The following XKR4 variants were observed in gnomAD, a reference collection of about 807,000 sequenced individuals.
XKR4 encodes the protein XK-related protein 4.
In XKR4, 12 loss-of-function variants were observed where a neutral mutation model predicts 53.9. That is an observed-to-expected ratio of 0.22 (90% confidence interval 0.14 to 0.36). The LOEUF is 0.36. Ranked by LOEUF, XKR4 falls within the 10% of genes least tolerant of loss-of-function variation. The pLI is 1.00. For missense variants in XKR4, 799 were observed against 859.5 expected, an observed-to-expected ratio of 0.93 and a Z score of 0.88; for synonymous variants, 354 against 362.4, an observed-to-expected ratio of 0.98 and a Z score of 0.26.
chr8:55,174,771 A>G (rs1817209598), intron 1 of XKR4, among the ~76,000 whole-genome samples: 1 of 152,172 alleles, frequency 6.6e-6, no homozygotes, highest in Admixed American at 6.5e-5. Flanking sequence ...CTTAGAGACA[A>G]TTCAGGGATG....
chr8:55,466,683 C>G (rs557721252), intron 2 of XKR4, among the ~76,000 whole-genome samples: 2 of 152,094 alleles, frequency 1.3e-5, no homozygotes, highest in African/African-American at 2.4e-5. Flanking sequence ...ATCTTACTAT[C>G]CATATAATCA....
At chr8:55,462,469 A>T (rs1805675384) in intron 2 of XKR4, among the ~76,000 whole-genome samples, 1 of 152,242 alleles carries the variant, frequency 6.6e-6, no homozygotes, top group Non-Finnish European at 1.5e-5. Flanking sequence ...GAGCTCCTGA[A>T]GGAAGCATTA....
At chr8:55,143,743 A>C (rs1406377010) in intron 1 of XKR4, among the ~76,000 whole-genome samples, 1 of 152,172 alleles carries the variant, frequency 6.6e-6, no homozygotes, top group Non-Finnish European at 1.5e-5. Flanking sequence ...CCCAAGAATG[A>C]CCCATGTGCT....
intron 1 of XKR4, among the ~76,000 whole-genome samples, chr8:55,103,851 GTATATATATA>G (rs60831330): frequency 0.015 from 1,541 of 105,984 alleles, 29 homozygotes; most frequent in East Asian, 0.023. Context: ...AAATGACTTT[GTATATATATA>G]TATATATATA....
intron 1 of XKR4, among the ~76,000 whole-genome samples, chr8:55,346,353 T>C (rs1014636176): frequency 6.6e-6 from 1 of 152,222 alleles, no homozygotes; most frequent in South Asian, 2.1e-4. Context: ...CCCAAATTGC[T>C]GGGATTAGAG....
rs199856332 is a variant in XKR4, at chr8:55,424,557, GT to G, written c.1006+66681del. Among the ~76,000 whole-genome samples, 414 of 152,314 alleles carry G rather than the reference GT, an allele frequency of 2.7e-3. 2 individuals carry two copies. The highest frequency in any genetic ancestry group is 8.5e-3 in the African/African-American group (353 of 41,566). The stretch of plus-strand genomic sequence containing the variant: ...AAAAGGCACTGCTAAATATCAACCT[GT>G]CAGGCACTAGCAGCCAACAACTGGC... On this transcript the variant is annotated intron_variant, in intron 2 of 2. Coordinates refer to ENST00000327381, the MANE Select transcript of XKR4 (RefSeq NM_052898.2).
At chr8:55,172,566 G>T (rs184389992) in intron 1 of XKR4, among the ~76,000 whole-genome samples, 1 of 152,080 alleles carries the variant, frequency 6.6e-6, no homozygotes. Context: ...AACAAAGACA[G>T]AGTGAAAAGC....
At chr8:55,244,212 T>C (rs1460511384) in intron 1 of XKR4, among the ~76,000 whole-genome samples, 1 of 152,194 alleles carries the variant, frequency 6.6e-6, no homozygotes, top group Non-Finnish European at 1.5e-5. Context: ...ATCCTCTCCC[T>C]CCTCTCACCC....
Position 55,462,707 on chromosome 8 carries a change from G to C in XKR4, c.1007-60574G>C, listed in dbSNP as rs547366471. Among the ~76,000 whole-genome samples the C allele has an allele frequency of 2.2e-3, 341 of 152,094 alleles. 1 individual carries two copies. Among genetic ancestry groups the C allele is most frequent in the African/African-American group, 7.9e-3 (327 of 41,496 alleles). On this transcript the variant is annotated intron_variant, in intron 2 of 2. Coordinates refer to ENST00000327381, the MANE Select transcript of XKR4 (RefSeq NM_052898.2). ...ATTGGGTAAAGAGTCAAGACCCATC[G>C]GTGTGCTGTATTCAGGAAACCCATC...
At chr8:55,135,554 A>G (rs1179622034) in intron 1 of XKR4, 3 of 454,282 alleles carry the variant, frequency 6.6e-6, no homozygotes, top group Non-Finnish European at 1.3e-5. Context: ...GCACAGTCCA[A>G]CATGTCCATT....
intron 2 of XKR4, among the ~76,000 whole-genome samples, chr8:55,510,932 G>A (rs1004467350): frequency 2.0e-5 from 3 of 152,150 alleles, no homozygotes; most frequent in African/African-American, 7.2e-5. Flanking sequence ...CTCACACGGT[G>A]GGCTTTCTCC....
At chr8:55,466,491 G>T (rs2939652) in intron 2 of XKR4, among the ~76,000 whole-genome samples, 2 of 151,724 alleles carry the variant, frequency 1.3e-5, no homozygotes, top group Non-Finnish European at 2.9e-5. Flanking sequence ...GTTATGGAGT[G>T]GGGGGAGGGG....
At chr8:55,140,796 G>A (rs946205152) in intron 1 of XKR4, among the ~76,000 whole-genome samples, 1 of 152,086 alleles carries the variant, frequency 6.6e-6, no homozygotes, top group Non-Finnish European at 1.5e-5. Flanking sequence ...GATGAAGGGC[G>A]CCTTGCCCAT....
At chr8:55,295,972 G>A in intron 1 of XKR4, among the ~76,000 whole-genome samples, 1 of 152,192 alleles carries the variant, frequency 6.6e-6, no homozygotes, top group East Asian at 1.9e-4. Flanking sequence ...CAGTTCACCT[G>A]TTGTAGCAGA....
chr8:55,174,135 T>G (rs1563475015), intron 1 of XKR4, among the ~76,000 whole-genome samples: 1 of 152,114 alleles, frequency 6.6e-6, no homozygotes, highest in Non-Finnish European at 1.5e-5. Flanking sequence ...TAAAATGTTT[T>G]TATATGATCA....
intron 2 of XKR4, among the ~76,000 whole-genome samples, chr8:55,397,120 A>T (rs116432265): frequency 1.3e-3 from 199 of 152,376 alleles, no homozygotes; most frequent in African/African-American, 4.6e-3. Context: ...GCAGAAAACA[A>T]GGCAATATTC....
intron 2 of XKR4, among the ~76,000 whole-genome samples, chr8:55,463,213 A>G (rs1585588268): frequency 6.6e-6 from 1 of 152,292 alleles, no homozygotes; most frequent in East Asian, 1.9e-4. Flanking sequence ...AAAATTGACC[A>G]CATAGTTGGA....
chr8:55,111,580 A>G (rs1356542072), intron 1 of XKR4, among the ~76,000 whole-genome samples: 4 of 152,194 alleles, frequency 2.6e-5, no homozygotes, highest in Non-Finnish European at 5.9e-5. Flanking sequence ...TGTCATTTCC[A>G]AATTTTAGCT....
At chr8:55,453,813 C>T in intron 2 of XKR4, 2 of 465,222 alleles carry the variant, frequency 4.3e-6, no homozygotes, top group South Asian at 3.6e-5. Flanking sequence ...GGGTGGTTCT[C>T]ATCCACCCAC....
Sources: gnomAD v4.1 joint callset for allele counts (sites outside exome capture counted in the v4.1 genomes callset) on GRCh38, gnomAD v4.1.1 for gene constraint, MANE v1.5 for transcripts, NCBI Gene and HGNC (gene_info 2026-07-23, HGNC 2026-07-21) for gene names.